The following PRKACB variants were observed in gnomAD, a reference collection of about 807,000 sequenced individuals.
PRKACB encodes the protein protein kinase cAMP-activated catalytic subunit beta, also known as cAMP-dependent protein kinase catalytic subunit beta.
A neutral mutation model predicts 51.4 loss-of-function variants in PRKACB; 16 were observed. The ratio of observed to expected loss-of-function variants is 0.31; its 90% confidence interval spans 0.21 to 0.47. PRKACB has a LOEUF of 0.47. PRKACB is among the 20% of genes least tolerant of loss of function. The pLI is 1.00. For missense variants in PRKACB, 309 were observed against 464.5 expected, an observed-to-expected ratio of 0.67 and a Z score of 3.08; for synonymous variants, 147 against 154.4, an observed-to-expected ratio of 0.95 and a Z score of 0.35.
intron 1 of PRKACB, among the ~76,000 whole-genome samples, chr1:84,155,667 G>A (rs1655406120): frequency 1.3e-5 from 2 of 152,296 alleles, no homozygotes; most frequent in South Asian, 4.1e-4. Context: ...TCAGAAAGAA[G>A]TAATAAGTTG....
chr1:84,147,814 A>G (rs1353066924), intron 1 of PRKACB, among the ~76,000 whole-genome samples: 1 of 152,140 alleles, frequency 6.6e-6, no homozygotes, highest in African/African-American at 2.4e-5. Flanking sequence ...CTTACTTAAA[A>G]GGTTTAGTAA....
intron 1 of PRKACB, among the ~76,000 whole-genome samples, chr1:84,092,367 A>G (rs1428202307): frequency 1.3e-5 from 2 of 152,174 alleles, no homozygotes; most frequent in African/African-American, 4.8e-5. Context: ...TAATTTTCAC[A>G]GATATATATC....
chr1:84,158,704 G>T (rs1195537318), intron 1 of PRKACB, among the ~76,000 whole-genome samples: 1 of 151,792 alleles, frequency 6.6e-6, no homozygotes, highest in Non-Finnish European at 1.5e-5. Flanking sequence ...TTCCTTTTTG[G>T]ATTGTACTTT....
At chr1:84,102,270 C>A (rs920694910) in intron 1 of PRKACB, among the ~76,000 whole-genome samples, 1 of 151,828 alleles carries the variant, frequency 6.6e-6, no homozygotes, top group African/African-American at 2.4e-5. Context: ...ACCTGTAGTC[C>A]CAGCTGCTTG....
At chr1:84,222,940 A>T (rs550084676) in intron 9 of PRKACB, among the ~76,000 whole-genome samples, 1 of 152,124 alleles carries the variant, frequency 6.6e-6, no homozygotes, top group South Asian at 2.1e-4. Flanking sequence ...CTGTTTTTAG[A>T]TGTCTGTCTT....
chr1:84,142,457 TAA>T (rs1272184487), upstream of PRKACB, among the ~76,000 whole-genome samples: 2 of 152,208 alleles, frequency 1.3e-5, no homozygotes, highest in Non-Finnish European at 2.9e-5. Context: ...AGACATTTAA[TAA>T]GTGTCTGTTT....
intron 1 of PRKACB, among the ~76,000 whole-genome samples, chr1:84,174,215 G>T (rs1660477805): frequency 6.6e-6 from 1 of 151,788 alleles, no homozygotes; most frequent in Non-Finnish European, 1.5e-5. Flanking sequence ...CAAGTCAGTT[G>T]CTGTTTCCTG....
At chr1:84,089,599 T>G (rs1648294587) in intron 1 of PRKACB, among the ~76,000 whole-genome samples, 1 of 152,206 alleles carries the variant, frequency 6.6e-6, no homozygotes, top group Non-Finnish European at 1.5e-5. Flanking sequence ...AATGTTTCTC[T>G]ATACTCTAAG....
intron 7 of PRKACB, among the ~76,000 whole-genome samples, chr1:84,201,922 A>T (rs938617226): frequency 6.6e-6 from 1 of 152,080 alleles, no homozygotes; most frequent in Non-Finnish European, 1.5e-5. Context: ...TAAGCTTAAT[A>T]TGAAAAAAAC....
chr1:84,093,838 CATTT>C (rs1050400127), intron 1 of PRKACB, among the ~76,000 whole-genome samples: 1 of 151,624 alleles, frequency 6.6e-6, no homozygotes, highest in African/African-American at 2.4e-5. Context: ...TTAAAAATTA[CATTT>C]ATTCTTAGTT....
intron 2 of PRKACB, among the ~76,000 whole-genome samples, chr1:84,180,977 A>T (rs762653604): frequency 4.6e-5 from 7 of 152,062 alleles, no homozygotes; most frequent in Non-Finnish European, 8.8e-5. Flanking sequence ...AAGATTAAAT[A>T]TTAATTAAAT....
chr1:84,174,455 C>T (rs907684769), intron 1 of PRKACB, among the ~76,000 whole-genome samples: 3 of 151,812 alleles, frequency 2.0e-5, no homozygotes, highest in African/African-American at 7.2e-5. Flanking sequence ...TATGATGATT[C>T]ATGTAAGCTT....
intron 9 of PRKACB, among the ~76,000 whole-genome samples, chr1:84,228,938 T>TTTA (rs1553190408): frequency 1.3e-5 from 2 of 152,028 alleles, no homozygotes; most frequent in Non-Finnish European, 2.9e-5. Flanking sequence ...TCTTTTTTTT[T>TTTA]TTATTATTAT....
At chr1:84,187,688 C>T (rs1036047757) in intron 5 of PRKACB, among the ~76,000 whole-genome samples, 2 of 152,064 alleles carry the variant, frequency 1.3e-5, no homozygotes, top group African/African-American at 4.8e-5. Flanking sequence ...AGGTAGATAA[C>T]AAGACTCAAA....
At position 84,216,423 on chromosome 1, in the gene PRKACB, C is replaced by T. The variant is rs186962998; in HGVS notation, c.1071+2106C>T. Among the ~76,000 whole-genome samples, 101 of 152,084 alleles carry T rather than the reference C, an allele frequency of 6.6e-4. 1 individual carries two copies. Among genetic ancestry groups the T allele is most frequent in the Non-Finnish European group, 1.3e-3 (87 of 67,954 alleles). ...GCAGCAAAAAGAACATATAGCCAGA[C>T]CAAAACAATGTGAATGCAATACAGC... On this transcript the variant is annotated intron_variant, in intron 9 of 9. Transcript: ENST00000370685.
intron 1 of PRKACB, among the ~76,000 whole-genome samples, chr1:84,092,184 C>G (rs1648529740): frequency 6.6e-6 from 1 of 152,040 alleles, no homozygotes; most frequent in South Asian, 2.1e-4. Context: ...GAATTTTCAC[C>G]CATACCAAGA....
intron 1 of PRKACB, among the ~76,000 whole-genome samples, chr1:84,119,834 AG>A (rs1222520675): frequency 6.6e-6 from 1 of 152,092 alleles, no homozygotes; most frequent in African/African-American, 2.4e-5. Flanking sequence ...TTCCCACTGC[AG>A]CATATAAGTG....
At chr1:84,113,521 T>C (rs967499601) in intron 1 of PRKACB, among the ~76,000 whole-genome samples, 13 of 152,104 alleles carry the variant, frequency 8.5e-5, no homozygotes, top group African/African-American at 3.1e-4. Context: ...TCTAGAAAAA[T>C]AGCCAAGAGA....
At chr1:84,222,395 T>C (rs114212504) in intron 9 of PRKACB, among the ~76,000 whole-genome samples, 83 of 152,276 alleles carry the variant, frequency 5.5e-4, no homozygotes, top group African/African-American at 1.8e-3. Flanking sequence ...ATCTTTTAAG[T>C]AGATATCTGA....
Sources: gnomAD v4.1 joint callset for allele counts (sites outside exome capture counted in the v4.1 genomes callset) on GRCh38, gnomAD v4.1.1 for gene constraint, MANE v1.5 for transcripts, NCBI Gene and HGNC (gene_info 2026-07-23, HGNC 2026-07-21) for gene names.